Variants in SMTN observed in about 807,000 individuals in gnomAD.
SMTN encodes smoothelin.
A neutral mutation model predicts 102.0 loss-of-function variants in SMTN; 58 were observed. That is an observed-to-expected ratio of 0.57 (90% confidence interval 0.46 to 0.71). SMTN has a LOEUF of 0.71. Ranked by LOEUF, SMTN falls within the 30% of genes least tolerant of loss-of-function variation. The probability of loss-of-function intolerance (pLI) is 0.00; values close to 1 mark genes in which losing one functional copy is unlikely to be tolerated. For synonymous variants in SMTN, 478 were observed against 497.9 expected, an observed-to-expected ratio of 0.96 and a Z score of 0.53; for missense variants, 1,185 against 1,241.7, an observed-to-expected ratio of 0.95 and a Z score of 0.69.
In SMTN at chr22:31,088,599, C is replaced by T. The variant is rs1300028143; in HGVS notation, c.287C>T (p.Thr96Ile). 3.7e-6 allele frequency: 6 copies of T among 1,613,946 alleles called. No homozygotes were observed. The highest frequency in any genetic ancestry group is 5.1e-6 in the Non-Finnish European group (6 of 1,179,896). ...LESMNDVEEL[T>I]ALLRSAGEYE... ...TCCATGAACGATGTGGAGGAATTGA[C>T]TGCACTGGTGAGGCCCAGGCTGGGG... Residue 96 changes from threonine (T) to isoleucine (I), a missense_variant, in exon 4 of 21, where the codon ACT becomes ATT. Physicochemically the swap from Thr to Ile is moderately conservative, Grantham distance 89. Around this residue, in one of 2 missense-constraint regions of SMTN, gnomAD observed 1,096 missense variants for 1,112.7 expected, o/e 0.98. Transcript: ENST00000333137.
In SMTN at chr22:31,101,134, G is replaced by A. The variant is rs567372125; in HGVS notation, c.*20+85G>A. On this transcript the variant is annotated intron_variant, in intron 20 of 20. Transcript: ENST00000333137. ...GAGAGGGTCCAGGGAGGCGGGTGGG[G>A]GAAGTAAGGGGGGCATTTAGTCAAG... is the stretch of plus-strand genomic sequence containing the variant. 83 of 1,274,982 alleles carry A rather than the reference G, an allele frequency of 6.5e-5. 3 individuals are homozygous for A. In the South Asian group the frequency reaches 1.2e-3, roughly 18 times the overall value. 79.0% of individuals were successfully genotyped at this position (1,274,982 alleles called of 1,614,324 possible).
chr22:31,096,620 T>G, intron 13 of SMTN, 113 bp from the exon 14 acceptor site: 1 of 1,165,516 alleles, frequency 8.6e-7, no homozygotes, highest in Non-Finnish European at 1.2e-6. Flanking sequence ...GTGTCATTCA[T>G]GTTTCTAACA....
In SMTN at chr22:31,085,392, C is replaced by T. The variant is rs1038791844; in HGVS notation, c.51+2083C>T. The T allele has an allele frequency of 5.6e-6, 6 of 1,062,598 alleles. No homozygotes were observed. In the Admixed American group the frequency reaches 1.4e-4, roughly 25 times the overall value. 65.8% of individuals were successfully genotyped at this position (1,062,598 alleles called of 1,614,324 possible). On this transcript the variant is annotated intron_variant, in intron 2 of 20. Transcript: ENST00000333137. ...GGCTTCCCTCCACCGCCGGCGGGAC[C>T]CCCATGGGCAACCGGGGGAGCTGGG...
upstream of SMTN, among the ~76,000 whole-genome samples, chr22:31,076,984 A>G (rs1228857132): frequency 1.3e-5 from 2 of 152,160 alleles, no homozygotes; most frequent in African/African-American, 4.8e-5. Context: ...TTGCCCTAGG[A>G]GGGCCTGAAG....
intron 3 of SMTN, 105 bp from the exon 4 acceptor site, chr22:31,088,405 TGCC>T: frequency 2.6e-5 from 25 of 975,268 alleles, no homozygotes; most frequent in Admixed American, 1.8e-4. Context: ...CACAGCCACA[TGCC>T]CTTCTGCCAA....
At chr22:31,076,609 A>T (rs145795998), upstream of SMTN, among the ~76,000 whole-genome samples, 6 of 152,298 alleles carry the variant, frequency 3.9e-5, no homozygotes, top group African/African-American at 1.2e-4. Context: ...TTCATGCTTA[A>T]GTGTGCCAGG....
chr22:31,104,393 T>C lies in SMTN; in HGVS notation c.*98T>C. 1.2e-6 allele frequency: 2 copies of C among 1,614,148 alleles called. No homozygotes were observed. The highest frequency in any genetic ancestry group is 2.2e-5 in the South Asian group (2 of 91,082). On this transcript the variant is annotated 3_prime_UTR_variant, in exon 21 of 21. Transcript: ENST00000333137. The stretch of plus-strand genomic sequence containing the variant: ...GGCAAGAAGCCTGACCCCAAGTGTG[T>C]CTTCACCTATGTGCAGTCGCTCTAC...
chr22:31,075,104 G>A (rs181036770), intron 1 of SMTN, among the ~76,000 whole-genome samples: 6 of 152,262 alleles, frequency 3.9e-5, no homozygotes, highest in African/African-American at 1.2e-4. Flanking sequence ...TCTGTTTCCA[G>A]AAGCTAAGGT....
At chr22:31,093,957 C>T (rs2043358250) in intron 11 of SMTN, 3 of 913,268 alleles carry the variant, frequency 3.3e-6, no homozygotes, top group Non-Finnish European at 4.9e-6. Flanking sequence ...TCACCACCTT[C>T]TCTGAGCCTC....
chr22:31,096,837 C>T lies in SMTN; in HGVS notation c.1966C>T (p.Arg656Trp), dbSNP rs116479877. Reference protein sequence around the residue: ...ATETTTRHSQRAADGSAVSTV... With the variant: ...ATETTTRHSQWAADGSAVSTV... Reference sequence around the variant, plus strand: ...TGAGACCACCACGAGGCACAGCCAGCGGGCAGCTGATGGCTCTGCTGTCAG... The same window carrying T: ...TGAGACCACCACGAGGCACAGCCAGTGGGCAGCTGATGGCTCTGCTGTCAG... The change falls in exon 14 of 21, where the codon CGG becomes TGG. Residue 656 changes from arginine to tryptophan, a missense_variant. By Grantham distance (101) the Arg-to-Trp change is moderately radical. Coordinates refer to ENST00000333137, the MANE Select transcript of SMTN (RefSeq NM_134269.3). 5.0e-5 allele frequency: 79 copies of T among 1,574,430 alleles called. 3 individuals are homozygous for T. The South Asian group carries it at 8.7e-4, about 17-fold the overall frequency.
intron 16 of SMTN, among the ~76,000 whole-genome samples, chr22:31,098,162 A>G (rs2043751662): frequency 6.6e-6 from 1 of 152,216 alleles, no homozygotes; most frequent in Non-Finnish European, 1.5e-5. Flanking sequence ...TCTGAATCAG[A>G]GAGACCTTGT....
chr22:31,082,714 C>T, intron 1 of SMTN: 1 of 676,984 alleles, frequency 1.5e-6, no homozygotes, highest in Non-Finnish European at 2.6e-6. Flanking sequence ...GTGGTGGTGG[C>T]AGCAAGAACT....
intron 13 of SMTN, 174 bp from the exon 14 acceptor site, chr22:31,096,559 G>A (rs2043590969): frequency 3.4e-6 from 2 of 581,268 alleles, no homozygotes; most frequent in Non-Finnish European, 5.7e-6. Context: ...TCCCTGTCAA[G>A]TTATGGCTGT....
In SMTN at chr22:31,100,866, G is replaced by T; in HGVS notation, c.2604-19G>T. On this transcript the variant is annotated intron_variant, in intron 19 of 20. Transcript: ENST00000333137. ...CTGCCCCCGTCCCCCACCCCTTCCC[G>T]GCCCCCTACCCTCCCCAGGACCCAT... 1.6e-5 allele frequency: 3 copies of T among 193,536 alleles called. No homozygotes were observed. Among genetic ancestry groups the T allele is most frequent in the Non-Finnish European group, 1.7e-5 (2 of 120,310 alleles). 12.0% of individuals were successfully genotyped at this position (193,536 alleles called of 1,614,324 possible). A position where few individuals can be genotyped will look rare whatever the true frequency, so the allele number is the denominator to read the frequency against.
At chr22:31,086,739 G>A (rs1286273200) in intron 2 of SMTN, among the ~76,000 whole-genome samples, 3 of 152,220 alleles carry the variant, frequency 2.0e-5, no homozygotes, top group African/African-American at 7.2e-5. Context: ...AGTTTCAGGG[G>A]GTCTTCTCAT....
At chr22:31,079,053 A>G (rs1458767872), upstream of SMTN, among the ~76,000 whole-genome samples, 3 of 152,024 alleles carry the variant, frequency 2.0e-5, no homozygotes, top group Non-Finnish European at 4.4e-5. Flanking sequence ...AGGTGCCTTC[A>G]CCTCCCTGAG....
intron 11 of SMTN, chr22:31,092,623 G>A (rs2147716219): frequency 2.2e-6 from 1 of 453,992 alleles, no homozygotes; most frequent in Non-Finnish European, 4.7e-6. Context: ...GGGAGACAGG[G>A]AGAGAGTGAG....
At chr22:31,076,110 T>G (rs920929464) in intron 1 of SMTN, among the ~76,000 whole-genome samples, 1 of 152,208 alleles carries the variant, frequency 6.6e-6, no homozygotes, top group African/African-American at 2.4e-5. Flanking sequence ...GGTTTGGGTT[T>G]GGGCCCCACC....
At position 31,096,779 on chromosome 22, in the gene SMTN, C is replaced by T. The variant is rs752715297; in HGVS notation, c.1908C>T (p.Gly636=). 6.4e-7 allele frequency: 1 copy of T among 1,562,704 alleles called. No homozygotes were observed. The change falls in exon 14 of 21, where the codon GGC becomes GGT. Residue 636 remains glycine, a synonymous_variant. Coordinates refer to ENST00000333137, the MANE Select transcript of SMTN (RefSeq NM_134269.3). ...AACGGCGGCTGCAGGAGGCACGGGG[C>T]CGGCCAGGGGAGGGGCGCGGCAACA... ...ERERRLQEAR[G]RPGEGRGNTA...
Sources: gnomAD v4.1 joint callset for allele counts (sites outside exome capture counted in the v4.1 genomes callset) on GRCh38, gnomAD v4.1.1 for gene constraint, gnomAD v4.1.1 regional missense constraint, MANE v1.5 for transcripts, NCBI Gene and HGNC (gene_info 2026-07-23, HGNC 2026-07-21) for gene names.